The following SNAP29 variants were observed in gnomAD, a reference collection of about 807,000 sequenced individuals.
The protein encoded by SNAP29 is synaptosomal-associated protein 29.
In SNAP29, 13 loss-of-function variants were observed where a neutral mutation model predicts 27.9. The ratio of observed to expected loss-of-function variants is 0.47; its 90% CI spans 0.30 to 0.74. The LOEUF is 0.74. Among genes scored for constraint, SNAP29 ranks in the 30% least tolerant of loss-of-function variants. The pLI, the probability that SNAP29 is intolerant of heterozygous loss-of-function variation, is 0.06. For missense variants in SNAP29, 368 were observed against 336.5 expected, an observed-to-expected ratio of 1.09 and a Z score of -0.73; for synonymous variants, 119 against 127.1, an observed-to-expected ratio of 0.94 and a Z score of 0.43.
chr22:20,859,069 G>C lies in SNAP29; in HGVS notation c.-42G>C, dbSNP rs1481701277. On this transcript the variant is annotated 5_prime_UTR_variant, in exon 1 of 5. Transcript: ENST00000215730. ...GGCCCTGGACGGCGGCGGCAGTGGG[G>C]CTCCTCCTTCTGTTTCCCAGACCGA... is the stretch of plus-strand genomic sequence containing the variant. 1 of 1,510,762 alleles carries C rather than the reference G, an allele frequency of 6.6e-7. No individual in the cohort carries two copies. Among genetic ancestry groups the C allele is most frequent in the South Asian group, 1.2e-5 (1 of 86,304 alleles). 93.6% of individuals were successfully genotyped at this position (1,510,762 alleles called of 1,614,324 possible).
At chr22:20,887,633 C>T in intron 4 of SNAP29, 46 bp from the exon 5 acceptor site, 2 of 1,609,296 alleles carry the variant, frequency 1.2e-6, no homozygotes, top group South Asian at 1.1e-5. Flanking sequence ...TTTGCAGGTG[C>T]CGTGACTGTT....
At chr22:20,870,797 G>A (rs1217138813) in intron 2 of SNAP29, 1 of 542,370 alleles carries the variant, frequency 1.8e-6, no homozygotes, top group Non-Finnish European at 3.3e-6. Context: ...GTTCACCTCA[G>A]CGTAATCTGT....
chr22:20,867,649 C>A (rs1298826225), intron 1 of SNAP29, among the ~76,000 whole-genome samples: 4 of 152,208 alleles, frequency 2.6e-5, no homozygotes, highest in Non-Finnish European at 5.9e-5. Context: ...GAGCAGCACT[C>A]AGTCGCCTGG....
rs368334158 is a variant in SNAP29, at chr22:20,882,561, C to T, written c.521-910C>T. On this transcript the variant is annotated intron_variant, in intron 3 of 4. Transcript: ENST00000215730. ...GAGGAGAGCCCAGATGGAGGAAGAG[C>T]GGGGAGCAGGAGAGACTAACATCAT... Among the ~76,000 whole-genome samples the T allele has an allele frequency of 3.9e-5, 6 of 151,988 alleles. No individual in the cohort carries two copies. In the East Asian group the frequency reaches 9.7e-4, roughly 25 times the overall value.
rs186825747 is a variant in SNAP29, at chr22:20,859,103, C to G, written c.-8C>G. On this transcript the variant is annotated 5_prime_UTR_variant, in exon 1 of 5. Coordinates refer to ENST00000215730, the MANE Select transcript of SNAP29 (RefSeq NM_004782.4). The stretch of plus-strand genomic sequence containing the variant: ...TCTGTTTCCCAGACCGAGAGCCGCG[C>G]CGGCACCATGTCAGCTTACCCTAAA... The G allele has an allele frequency of 1.9e-3, 3,084 of 1,594,494 alleles. 48 individuals are homozygous for G. The African/African-American group carries it at 0.036, about 18-fold the overall frequency.
Position 20,859,176 on chromosome 22 carries a change from G to A in SNAP29, c.66G>A (p.Pro22=), listed in dbSNP as rs763770179. Residue 22 remains proline (P), a synonymous_variant, in exon 1 of 5, where the codon CCG becomes CCA. Coordinates refer to ENST00000215730, the MANE Select transcript of SNAP29 (RefSeq NM_004782.4). ...DDDGEDEGAR[P]APWRDARDLP... ...ACGGGGAGGACGAAGGCGCCCGGCC[G>A]GCCCCTTGGAGGGACGCCCGAGACC... is the stretch of plus-strand genomic sequence containing the variant. 7 of 1,604,564 alleles carry A rather than the reference G, an allele frequency of 4.4e-6. No homozygotes were observed. The highest frequency in any genetic ancestry group is 4.2e-6 in the Non-Finnish European group (5 of 1,177,000).
At chr22:20,886,202 A>G (rs1334490560) in intron 4 of SNAP29, among the ~76,000 whole-genome samples, 3 of 150,726 alleles carry the variant, frequency 2.0e-5, no homozygotes, top group South Asian at 4.2e-4. Flanking sequence ...TGCCCAGGCT[A>G]GTCTCCAACT....
In SNAP29 at chr22:20,890,200, A is replaced by G. The variant is rs1342371584; in HGVS notation, c.*2364A>G. 4.3e-5 allele frequency: 17 copies of G among 398,228 alleles called. No individual in the cohort carries two copies. The highest frequency in any genetic ancestry group is 4.9e-5 in the Non-Finnish European group (11 of 225,958). The allele number at this position is 398,228 out of a possible 1,614,324, so 24.7% of individuals were successfully genotyped here. On this transcript the variant is annotated 3_prime_UTR_variant, in exon 5 of 5. Transcript: ENST00000215730. ...GCTACTTTATAAATGAGTTGCTTGC[A>G]TTTTCACAGAGAATGAAGGAAGACG...
intron 1 of SNAP29, among the ~76,000 whole-genome samples, chr22:20,864,382 C>G (rs1928408386): frequency 6.6e-6 from 1 of 152,214 alleles, no homozygotes; most frequent in Non-Finnish European, 1.5e-5. Flanking sequence ...GTCACCCACA[C>G]TGGGCATTCC....
At chr22:20,869,132 C>T (rs183718102) in intron 1 of SNAP29, among the ~76,000 whole-genome samples, 70 of 152,258 alleles carry the variant, frequency 4.6e-4, no homozygotes, top group Admixed American at 7.2e-4. Flanking sequence ...TGGTGGCAGG[C>T]GCCTGGAATC....
At position 20,870,446 on chromosome 22, in the gene SNAP29, T is replaced by C; in HGVS notation, c.347T>C (p.Phe116Ser). 1 of 1,614,114 alleles carries C rather than the reference T, an allele frequency of 6.2e-7. No homozygotes were observed. Among genetic ancestry groups the C allele is most frequent in the Non-Finnish European group, 8.5e-7 (1 of 1,180,008 alleles). ...CACATCAATAGCATTAAGAGCGTGT[T>C]TGGGGGGCTGGTCAATTACTTCAAA... Reference protein sequence around the residue: ...QKHINSIKSVFGGLVNYFKSK... With the variant: ...QKHINSIKSVSGGLVNYFKSK... Residue 116 changes from phenylalanine (F) to serine (S), a missense_variant, in exon 2 of 5, where the codon TTT (phenylalanine) becomes TCT (serine). Phe to Ser is a radical substitution (Grantham distance 155, BLOSUM62 -2). Coordinates refer to ENST00000215730, the MANE Select transcript of SNAP29 (RefSeq NM_004782.4).
chr22:20,859,327 G>T lies in SNAP29; in HGVS notation c.217G>T (p.Val73Phe). 1 of 1,613,480 alleles carries T rather than the reference G, an allele frequency of 6.2e-7. No homozygotes were observed. The highest frequency in any genetic ancestry group is 1.3e-5 in the African/African-American group (1 of 75,056). Reference protein sequence around the residue: ...SLALMYESEKVGVASSEELAR... With the variant: ...SLALMYESEKFGVASSEELAR... ...GGCCCTCATGTACGAGTCCGAGAAG[G>T]TTGGGGTCGCCTCTTCCGAGGTGAG... The change falls in exon 1 of 5, where the codon GTT becomes TTT. Residue 73 changes from valine (V) to phenylalanine (F), a missense_variant. By Grantham distance (50) the Val-to-Phe change is conservative. Transcript: ENST00000215730.
In SNAP29 at chr22:20,886,769, A is replaced by G. The variant is rs1230209171; in HGVS notation, c.620-910A>G. 2.0e-5 allele frequency among the ~76,000 whole-genome samples: 3 copies of G among 151,458 alleles called. No individual in the cohort carries two copies. In the East Asian group the frequency reaches 6.0e-4, roughly 30 times the overall value. On this transcript the variant is annotated intron_variant, in intron 4 of 4. Coordinates refer to ENST00000215730, the MANE Select transcript of SNAP29 (RefSeq NM_004782.4). ...AGGGAATACAGGCATGCACCACCAC[A>G]TCTGGCTAATTTTTATATTTTTTAG...
intron 2 of SNAP29, among the ~76,000 whole-genome samples, chr22:20,879,416 G>A (rs1358524729): frequency 6.6e-6 from 1 of 151,946 alleles, no homozygotes; most frequent in Non-Finnish European, 1.5e-5. Flanking sequence ...GTAGGCACCT[G>A]TAATCCCAGC....
intron 4 of SNAP29, among the ~76,000 whole-genome samples, chr22:20,884,286 C>A (rs908247030): frequency 2.0e-5 from 3 of 151,030 alleles, no homozygotes; most frequent in African/African-American, 4.9e-5. Context: ...GAGCCAAGAT[C>A]GCACCATTGC....
At chr22:20,863,164 G>C (rs1400601085) in intron 1 of SNAP29, among the ~76,000 whole-genome samples, 1 of 152,038 alleles carries the variant, frequency 6.6e-6, no homozygotes, top group African/African-American at 2.4e-5. Context: ...TGGATTACAG[G>C]CTCCAAGCTG....
At chr22:20,870,770 A>G (rs905892351) in intron 2 of SNAP29, 2 of 587,954 alleles carry the variant, frequency 3.4e-6, no homozygotes, top group East Asian at 3.0e-5. Flanking sequence ...TGACCCCACT[A>G]CTTTGAAAGA....
chr22:20,861,122 T>TTC (rs1346800210), intron 1 of SNAP29, among the ~76,000 whole-genome samples: 1 of 148,526 alleles, frequency 6.7e-6, no homozygotes, highest in Non-Finnish European at 1.5e-5. Context: ...CCTGTGGTTT[T>TTC]TTTTTTTTTT....
At position 20,889,602 on chromosome 22, in the gene SNAP29, A is replaced by G. The variant is rs750612890; in HGVS notation, c.*1766A>G. 1 of 152,218 alleles carries G rather than the reference A, an allele frequency of 6.6e-6. No homozygotes were observed. The highest frequency in any genetic ancestry group is 1.5e-5 in the Non-Finnish European group (1 of 68,042). The allele number at this position is 152,218 out of a possible 1,614,324, so 9.4% of individuals were successfully genotyped here. A position where few individuals can be genotyped will look rare whatever the true frequency, so the allele number is the denominator to read the frequency against. On this transcript the variant is annotated 3_prime_UTR_variant, in exon 5 of 5. Coordinates refer to ENST00000215730, the MANE Select transcript of SNAP29 (RefSeq NM_004782.4). Reference sequence around the variant, plus strand: ...AACTACTTCGTGAGGCTTTCAGCAAAAAGGCTGCTTAAAAGCATGAACCCG... The same window carrying G: ...AACTACTTCGTGAGGCTTTCAGCAAGAAGGCTGCTTAAAAGCATGAACCCG...
Sources: gnomAD v4.1 joint callset for allele counts (sites outside exome capture counted in the v4.1 genomes callset) on GRCh38, gnomAD v4.1.1 for gene constraint, MANE v1.5 for transcripts, NCBI Gene and HGNC (gene_info 2026-07-23, HGNC 2026-07-21) for gene names.